SEMA4D: variants seen among roughly 807,000 people sequenced by gnomAD.
SEMA4D encodes semaphorin-4D.
SEMA4D carries 22 observed loss-of-function variants against 74.8 expected under a neutral mutation model. The ratio of observed to expected loss-of-function variants is 0.29; its 90% CI spans 0.21 to 0.42. The LOEUF (loss-of-function observed/expected upper bound fraction) is 0.42. Ranked by LOEUF, SEMA4D falls within the 10% of genes least tolerant of loss-of-function variation. The pLI, the probability that SEMA4D is intolerant of heterozygous loss-of-function variation, is 1.00. For synonymous variants in SEMA4D, 445 were observed against 463.7 expected (o/e 0.96, Z 0.52); for missense variants, 937 against 1,118.4 (o/e 0.84, Z 2.31).
rs1235676962 is a variant in SEMA4D, at chr9:89,484,554, C to A, written c.-310+13365G>T. Reference sequence around the variant, plus strand: ...ACTGGGTGTGTGGGGTGGGGAGGTACGTGTATGGTGTGTGTATACATGGTG... The same window carrying A: ...ACTGGGTGTGTGGGGTGGGGAGGTAAGTGTATGGTGTGTGTATACATGGTG... On this transcript the variant is annotated intron_variant, in intron 1 of 15. Transcript: ENST00000422704. The surrounding 1 kb of genome is among the most constrained non-coding windows in gnomAD (Gnocchi z 4.1). Among the ~76,000 whole-genome samples the A allele has an allele frequency of 6.8e-6, 1 of 146,394 alleles. No individual in the cohort carries two copies. The highest frequency in any genetic ancestry group is 1.5e-5 in the Non-Finnish European group (1 of 66,662).
At chr9:89,386,902 C>T (rs1447596058) in intron 12 of SEMA4D, among the ~76,000 whole-genome samples, 1 of 152,096 alleles carries the variant, frequency 6.6e-6, no homozygotes, top group Non-Finnish European at 1.5e-5. Context: ...CCACAATGCG[C>T]TGCCAGCCAC....
intron 2 of SEMA4D, among the ~76,000 whole-genome samples, chr9:89,433,285 C>A (rs2134725417): frequency 9.6e-6 from 1 of 104,044 alleles, no homozygotes; most frequent in East Asian, 2.1e-4. Flanking sequence ...CAGCCGGCAG[C>A]AGACGGACTG....
At chr9:89,443,796 G>C (rs11265894) in intron 2 of SEMA4D, among the ~76,000 whole-genome samples, 28,494 of 152,278 alleles carry the variant, frequency 0.19, 2,979 homozygotes, top group Middle Eastern at 0.29. Context: ...TGGGCTCCCT[G>C]CATAGGTGTG....
intron 1 of SEMA4D, among the ~76,000 whole-genome samples, chr9:89,478,763 TCCACCCCACC>T (rs1192432181): frequency 2.2e-5 from 3 of 135,668 alleles, no homozygotes; most frequent in East Asian, 2.3e-4. Context: ...CCCCTCATCC[TCCACCCCACC>T]CCACCCCACC....
chr9:89,376,812 G>C, downstream of SEMA4D: 1 of 1,542,208 alleles, frequency 6.5e-7, no homozygotes, highest in South Asian at 1.2e-5. Flanking sequence ...GGGCACAGGG[G>C]ACAGAGAGGG....
chr9:89,427,630 C>T (rs1337515784), intron 2 of SEMA4D, among the ~76,000 whole-genome samples: 1 of 152,178 alleles, frequency 6.6e-6, no homozygotes, highest in Non-Finnish European at 1.5e-5. Context: ...TCTCCACCCC[C>T]CGGTCAGCAG....
At position 89,387,587 on chromosome 9, in the gene SEMA4D, C is replaced by T; in HGVS notation, c.1129G>A (p.Ala377Thr). The T allele has an allele frequency of 6.2e-7, 1 of 1,614,126 alleles. No individual in the cohort carries two copies. Among genetic ancestry groups the T allele is most frequent in the Non-Finnish European group, 8.5e-7 (1 of 1,180,024 alleles). ...PGACIDSEARAANYTSSLNLP... is the reference protein window; with the variant it reads ...PGACIDSEARTANYTSSLNLP... The stretch of plus-strand genomic sequence containing the variant: ...TTCAAGGAGCTGGTGTAGTTGGCGG[C>T]CCGTGCCTCGCTGTCGATGCACTGC... The change falls in exon 12 of 16, where the codon GCC (alanine) becomes ACC (threonine). Residue 377 changes from alanine to threonine, a missense_variant. Physicochemically the swap from Ala to Thr is moderately conservative, Grantham distance 58. Coordinates refer to ENST00000422704, the MANE Select transcript of SEMA4D (RefSeq NM_001371194.2).
chr9:89,403,159 T>A, intron 3 of SEMA4D, 143 bp from the exon 4 acceptor site: 2 of 950,648 alleles, frequency 2.1e-6, no homozygotes, highest in Non-Finnish European at 3.1e-6. Flanking sequence ...CATGTGTTGC[T>A]GCAACAGGCA....
intron 2 of SEMA4D, among the ~76,000 whole-genome samples, chr9:89,432,817 G>T (rs570790302): frequency 6.6e-6 from 1 of 152,338 alleles, no homozygotes; most frequent in Admixed American, 6.5e-5. Flanking sequence ...TGGGAATCAT[G>T]ACGGTCCCTT....
At chr9:89,393,418 G>A (rs1023999474) in intron 7 of SEMA4D, 144 bp downstream of exon 7, 1 of 663,376 alleles carries the variant, frequency 1.5e-6, no homozygotes, top group African/African-American at 1.8e-5. Flanking sequence ...GGTCTATGCA[G>A]TCACATGTGC....
rs542958579 is a variant in SEMA4D at position 89,369,931 on chromosome 9, ATG to A, written c.1883-5983_1883-5982del. ...GATTGGTGTGGTGTGGGTAGCGTGC[ATG>A]TGTCTATGTGGTGTGTATGTGCTTT... On this transcript the variant is annotated intron_variant, in intron 16 of 18. Coordinates refer to the SEMA4D transcript ENST00000339861. Among the ~76,000 whole-genome samples the A allele has an allele frequency of 5.3e-5, 8 of 150,654 alleles. No homozygotes were observed. In the East Asian group the frequency reaches 1.6e-3, roughly 30 times the overall value.
intron 16 of SEMA4D, chr9:89,364,966 CAAGT>C (rs913417945): frequency 2.2e-4 from 33 of 152,296 alleles, no homozygotes; most frequent in African/African-American, 2.6e-4. Context: ...GGGAGGGGCA[CAAGT>C]AAGTTCTGGT....
Position 89,363,520 on chromosome 9 carries a change from G to T in SEMA4D, c.2100C>A (p.Thr700=), listed in dbSNP as rs941372713. Residue 700 remains threonine, a synonymous_variant, in exon 18 of 19, where the codon ACC becomes ACA. Coordinates refer to the SEMA4D transcript ENST00000339861. ...GCTCTCTGGTCCACCTCTCCTGGTGGGTCACTTCTGGAAAACAAGCAGGGT... is the reference window on the plus strand; with the variant it reads ...GCTCTCTGGTCCACCTCTCCTGGTGTGTCACTTCTGGAAAACAAGCAGGGT... The T allele has an allele frequency of 1.1e-5, 17 of 1,613,886 alleles. No homozygotes were observed. The South Asian group carries it at 1.9e-4, about 18-fold the overall frequency.
chr9:89,442,425 A>T (rs1461818642), intron 2 of SEMA4D, among the ~76,000 whole-genome samples: 1 of 152,202 alleles, frequency 6.6e-6, no homozygotes, highest in African/African-American at 2.4e-5. Context: ...CATTAGTTAA[A>T]ATGCAGTGGA....
At chr9:89,376,915 G>A (rs746112481), downstream of SEMA4D, 2 of 1,550,894 alleles carry the variant, frequency 1.3e-6, no homozygotes, top group South Asian at 2.4e-5. Context: ...GCAGCAAGGA[G>A]ACCCTCGAGC....
chr9:89,451,227 A>T (rs1034671620), intron 2 of SEMA4D, among the ~76,000 whole-genome samples: 1 of 152,106 alleles, frequency 6.6e-6, no homozygotes, highest in African/African-American at 2.4e-5. Flanking sequence ...TGGCTTCAAA[A>T]TTAGGAGGAT....
intron 2 of SEMA4D, among the ~76,000 whole-genome samples, chr9:89,412,957 A>G (rs1302139908): frequency 1.3e-5 from 2 of 152,222 alleles, no homozygotes; most frequent in Non-Finnish European, 1.5e-5. Flanking sequence ...CAGTGGCTCC[A>G]TAATCATTGA....
At chr9:89,402,163 C>T (rs1291779763) in intron 4 of SEMA4D, among the ~76,000 whole-genome samples, 5 of 152,176 alleles carry the variant, frequency 3.3e-5, no homozygotes, top group Admixed American at 2.0e-4. Context: ...CAGTGAGCTA[C>T]AATCAAATTT....
intron 5 of SEMA4D, among the ~76,000 whole-genome samples, chr9:89,397,243 C>A (rs1488569964): frequency 2.0e-5 from 3 of 152,230 alleles, no homozygotes; most frequent in Non-Finnish European, 4.4e-5. Flanking sequence ...TACCTCAAAT[C>A]TTACTGGGAC....
Sources: allele counts gnomAD v4.1 joint callset (sites outside exome capture counted in the v4.1 genomes callset), GRCh38; gene constraint gnomAD v4.1.1; non-coding constraint Gnocchi (gnomAD v3.1); transcripts MANE v1.5; gene names NCBI Gene and HGNC (gene_info 2026-07-23, HGNC 2026-07-21).